SSBP3: variants seen among roughly 807,000 people sequenced by gnomAD.
SSBP3 encodes single stranded DNA binding protein 3, also known as single-stranded DNA-binding protein 3.
In SSBP3, 5 loss-of-function variants were observed where a neutral mutation model predicts 69.6. The ratio of observed to expected loss-of-function variants is 0.07; its 90% confidence interval spans 0.04 to 0.15. The LOEUF (loss-of-function observed/expected upper bound fraction) is 0.15, where lower values mean the gene tolerates loss of function less well. Ranked by LOEUF, SSBP3 falls within the 10% of genes least tolerant of loss-of-function variation. The pLI, the probability that SSBP3 is intolerant of heterozygous loss-of-function variation, is 1.00. For synonymous variants in SSBP3, 196 were observed against 193.4 expected (o/e 1.01, Z -0.11); for missense variants, 312 against 534.0 (o/e 0.58, Z 4.10).
At chr1:54,252,427 C>G (rs181039130) in intron 7 of SSBP3, among the ~76,000 whole-genome samples, 1 of 152,204 alleles carries the variant, frequency 6.6e-6, no homozygotes, top group African/African-American at 2.4e-5. Flanking sequence ...CACAGGCCTG[C>G]GGGCTCCCAG....
intron 4 of SSBP3, among the ~76,000 whole-genome samples, chr1:54,291,443 G>T (rs1645605215): frequency 6.6e-6 from 1 of 151,856 alleles, no homozygotes; most frequent in Non-Finnish European, 1.5e-5. Context: ...AAGGCAGTGA[G>T]CAGTGGACCA....
At chr1:54,295,674 G>C (rs1378619644) in intron 4 of SSBP3, among the ~76,000 whole-genome samples, 1 of 152,152 alleles carries the variant, frequency 6.6e-6, no homozygotes, top group African/African-American at 2.4e-5. Context: ...TAATGAAAGG[G>C]CTGTGATCTC....
chr1:54,400,567 C>CAGA (rs1649223688), intron 4 of SSBP3, among the ~76,000 whole-genome samples: 1 of 152,186 alleles, frequency 6.6e-6, no homozygotes, highest in Non-Finnish European at 1.5e-5. Flanking sequence ...TTTACCAGAC[C>CAGA]AGAAGTACCA....
At chr1:54,229,163 CCAGA>C (rs1213748450) in intron 14 of SSBP3, among the ~76,000 whole-genome samples, 3 of 152,192 alleles carry the variant, frequency 2.0e-5, no homozygotes, top group South Asian at 2.1e-4. Flanking sequence ...GTGTGGTTCC[CCAGA>C]CAGAGGCACA....
At chr1:54,411,754 T>C (rs1649997396) in intron 1 of SSBP3, among the ~76,000 whole-genome samples, 2 of 151,942 alleles carry the variant, frequency 1.3e-5, no homozygotes, top group African/African-American at 2.4e-5. Flanking sequence ...TAGCTGGGCA[T>C]GGTGGCGGGC....
intron 4 of SSBP3, among the ~76,000 whole-genome samples, chr1:54,302,252 A>G (rs1434461964): frequency 1.3e-5 from 2 of 152,090 alleles, no homozygotes; most frequent in East Asian, 3.9e-4. Flanking sequence ...TAGTTAGTGC[A>G]GGCAAGGCTG....
intron 13 of SSBP3, among the ~76,000 whole-genome samples, chr1:54,240,069 TGTGTGTGTGTGTGTGTGTGCGC>T (rs1242425015): frequency 1.4e-3 from 36 of 25,616 alleles, no homozygotes; most frequent in East Asian, 9.5e-3. Flanking sequence ...TGTGTGTGTG[TGTGTGTGTGTGTGTGTGTGCGC>T]GCGCGCGCGT....
At chr1:54,409,327 T>C (rs1235742391), upstream of SSBP3, among the ~76,000 whole-genome samples, 1 of 152,096 alleles carries the variant, frequency 6.6e-6, no homozygotes. Context: ...TCTTATCTCG[T>C]TTTGCTGGCA....
At chr1:54,248,546 A>G (rs138800934) in intron 9 of SSBP3, among the ~76,000 whole-genome samples, 2 of 152,274 alleles carry the variant, frequency 1.3e-5, no homozygotes, top group East Asian at 1.9e-4. Context: ...ACAGGGCATC[A>G]TCCTCAGGGG....
rs964230305 is a variant in SSBP3 at position 54,266,867 on chromosome 1, G to A, written c.367-8718C>T. On this transcript the variant is annotated intron_variant, in intron 5 of 17. Coordinates refer to ENST00000610401, the Ensembl canonical transcript of SSBP3. ...CCCTGGTCTCTTGGCCACTGCTCCC[G>A]AATACAGTGATAGTGCATCATCGGA... Among the ~76,000 whole-genome samples, 18 of 152,272 alleles carry A rather than the reference G, an allele frequency of 1.2e-4. 1 individual carries two copies. Among genetic ancestry groups the A allele is most frequent in the Middle Eastern group, 6.8e-3 (2 of 294 alleles).
At chr1:54,395,100 A>G (rs1263268858) in intron 4 of SSBP3, among the ~76,000 whole-genome samples, 3 of 152,016 alleles carry the variant, frequency 2.0e-5, no homozygotes, top group Non-Finnish European at 4.4e-5. Flanking sequence ...AAAAAAAATC[A>G]GGCACAGTCT....
intron 4 of SSBP3, among the ~76,000 whole-genome samples, chr1:54,329,546 G>A (rs1292009060): frequency 6.6e-6 from 1 of 152,232 alleles, no homozygotes; most frequent in East Asian, 1.9e-4. Context: ...CCACTGTCAG[G>A]CCTCTGCCAC....
chr1:54,377,980 C>T (rs150154616), intron 4 of SSBP3, among the ~76,000 whole-genome samples: 40 of 152,090 alleles, frequency 2.6e-4, no homozygotes, highest in East Asian at 2.5e-3. Context: ...ATAATGAAGC[C>T]GTGCCGATTC....
At chr1:54,241,091 C>T in intron 12 of SSBP3, 132 bp from the exon 13 acceptor site, 2 of 964,724 alleles carry the variant, frequency 2.1e-6, no homozygotes, top group South Asian at 3.3e-5. Flanking sequence ...TGCTACACCC[C>T]CAGCGCTCAC....
intron 4 of SSBP3, among the ~76,000 whole-genome samples, chr1:54,350,972 G>A (rs960516715): frequency 1.4e-4 from 22 of 152,028 alleles, no homozygotes; most frequent in African/African-American, 5.1e-4. Context: ...CTACAGGCAC[G>A]TGCCGCCAAG....
chr1:54,278,944 C>T (rs750012633), intron 5 of SSBP3, among the ~76,000 whole-genome samples: 7 of 152,236 alleles, frequency 4.6e-5, no homozygotes, highest in East Asian at 1.9e-4. Context: ...AGGCCTACTC[C>T]GGAAATGGGC....
At chr1:54,225,535 G>C (rs1644272579) in exon 18 of SSBP3, 3 of 834,622 alleles carry the variant, frequency 3.6e-6, no homozygotes, top group Non-Finnish European at 4.8e-6. Flanking sequence ...TTCAGAACCA[G>C]ACTACAAGGT....
At chr1:54,340,011 A>G (rs1241706399) in intron 4 of SSBP3, among the ~76,000 whole-genome samples, 1 of 152,136 alleles carries the variant, frequency 6.6e-6, no homozygotes, top group Non-Finnish European at 1.5e-5. Context: ...GTGGGGTAGG[A>G]GCAGGACCCC....
At chr1:54,403,882 C>A (rs1649485682) in intron 3 of SSBP3, among the ~76,000 whole-genome samples, 1 of 152,240 alleles carries the variant, frequency 6.6e-6, no homozygotes, top group East Asian at 1.9e-4. Context: ...ACCAGACCTG[C>A]GGTGGCCCCA....
Sources: allele counts gnomAD v4.1 joint callset (sites outside exome capture counted in the v4.1 genomes callset), GRCh38; gene constraint gnomAD v4.1.1; transcripts MANE v1.5; gene names NCBI Gene and HGNC (gene_info 2026-07-23, HGNC 2026-07-21).